Variants in CNTN4 observed in about 807,000 individuals in gnomAD.
CNTN4 encodes contactin 4, also known as contactin-4.
Under a neutral mutation model 122.5 loss-of-function variants are expected in CNTN4, and 77 were observed. The observed-to-expected ratio is 0.63, with a 90% CI of 0.52 to 0.76. The LOEUF (loss-of-function observed/expected upper bound fraction) is 0.76. Ranked by LOEUF, CNTN4 falls within the 30% of genes least tolerant of loss-of-function variation. The probability of loss-of-function intolerance (pLI) is 0.00; values close to 1 mark genes in which losing one functional copy is unlikely to be tolerated. For missense variants in CNTN4, 1,256 were observed against 1,259.1 expected (o/e 1.00, Z 0.04); for synonymous variants, 512 against 447.0 (o/e 1.15, Z -1.83).
Position 2,416,876 on chromosome 3 carries a change from G to A in CNTN4, c.-89+77643G>A, listed in dbSNP as rs889692622. On this transcript the variant is annotated intron_variant, in intron 3 of 24. Transcript: ENST00000418658. ...TCACCATGTTAGCCAGGATGGCCTC[G>A]AGCTCCTGACCTTGTGATCCACCTG... Among the ~76,000 whole-genome samples, 10 of 151,906 alleles carry A rather than the reference G, an allele frequency of 6.6e-5. No individual in the cohort carries two copies. The East Asian group carries it at 1.8e-3, about 27-fold the overall frequency.
At chr3:2,570,566 G>A (rs529167509) in intron 3 of CNTN4, among the ~76,000 whole-genome samples, 4 of 152,212 alleles carry the variant, frequency 2.6e-5, no homozygotes, top group African/African-American at 9.6e-5. Flanking sequence ...TTGAAAAGTC[G>A]TAGATGCCCC....
intron 4 of CNTN4, among the ~76,000 whole-genome samples, chr3:2,574,612 T>G (rs1052228976): frequency 2.6e-5 from 4 of 152,148 alleles, no homozygotes; most frequent in African/African-American, 4.8e-5. Flanking sequence ...TCAGCCACAA[T>G]GAAAATTGGC....
intron 6 of CNTN4, among the ~76,000 whole-genome samples, chr3:2,790,344 T>A (rs7615839): frequency 0.36 from 54,238 of 152,082 alleles, 10,156 homozygotes; most frequent in African/African-American, 0.47. Flanking sequence ...CAAGAGATCC[T>A]CTGGGCCAGC....
intron 4 of CNTN4, among the ~76,000 whole-genome samples, chr3:2,599,146 A>T (rs1016454368): frequency 6.6e-6 from 1 of 152,168 alleles, no homozygotes; most frequent in Non-Finnish European, 1.5e-5. Flanking sequence ...ATTAGCGTGT[A>T]TCCACATGTA....
At chr3:3,039,818 G>C in intron 19 of CNTN4, 1 of 548,554 alleles carries the variant, frequency 1.8e-6, no homozygotes, top group Non-Finnish European at 3.3e-6. Flanking sequence ...GCAAGCTCTG[G>C]ACTGCAGATC....
At position 2,393,122 on chromosome 3, in the gene CNTN4, C is replaced by T. The variant is rs142485967; in HGVS notation, c.-89+53889C>T. Among the ~76,000 whole-genome samples, 118 of 152,216 alleles carry T rather than the reference C, an allele frequency of 7.8e-4. 2 individuals are homozygous for T. The highest frequency in any genetic ancestry group is 2.5e-3 in the African/African-American group (105 of 41,550). Reference sequence around the variant, plus strand: ...CTTCTACCTTCTTGTGGTTTGCCTGCGATCTTTGGAATTTCCTTGGGTTAC... The same window carrying T: ...CTTCTACCTTCTTGTGGTTTGCCTGTGATCTTTGGAATTTCCTTGGGTTAC... On this transcript the variant is annotated intron_variant, in intron 3 of 24. Coordinates refer to ENST00000418658, the MANE Select transcript of CNTN4 (RefSeq NM_175607.3).
chr3:3,030,041 G>A (rs1020911577), intron 15 of CNTN4, among the ~76,000 whole-genome samples: 1 of 152,044 alleles, frequency 6.6e-6, no homozygotes, highest in African/African-American at 2.4e-5. Flanking sequence ...TTCAAATCTG[G>A]CCTCTAGGGT....
chr3:2,290,480 C>T (rs977399050), intron 2 of CNTN4, among the ~76,000 whole-genome samples: 1 of 152,090 alleles, frequency 6.6e-6, no homozygotes, highest in African/African-American at 2.4e-5. Flanking sequence ...AGGGGAAAAT[C>T]ATTAACGATG....
At chr3:2,915,970 A>C (rs1467206630) in intron 12 of CNTN4, among the ~76,000 whole-genome samples, 1 of 152,236 alleles carries the variant, frequency 6.6e-6, no homozygotes, top group African/African-American at 2.4e-5. Flanking sequence ...GAGATGTCTA[A>C]CATAGTCAAA....
chr3:2,480,102 T>C (rs373950918), intron 3 of CNTN4, among the ~76,000 whole-genome samples: 12 of 151,812 alleles, frequency 7.9e-5, no homozygotes, highest in East Asian at 3.9e-4. Context: ...AAACTAAGAA[T>C]AGAGAAGCGC....
intron 13 of CNTN4, among the ~76,000 whole-genome samples, chr3:2,943,462 G>A (rs1035919297): frequency 1.3e-5 from 2 of 151,920 alleles, no homozygotes; most frequent in African/African-American, 2.4e-5. Context: ...ACACTCGGCA[G>A]GTTCTTAGCA....
chr3:2,535,351 T>A (rs1241112546), intron 3 of CNTN4, among the ~76,000 whole-genome samples: 3 of 152,190 alleles, frequency 2.0e-5, no homozygotes, highest in African/African-American at 7.2e-5. Flanking sequence ...TATCTCTTAC[T>A]GATATCTGTC....
chr3:2,117,611 G>C (rs2033451261), intron 2 of CNTN4, among the ~76,000 whole-genome samples: 1 of 152,150 alleles, frequency 6.6e-6, no homozygotes, highest in Non-Finnish European at 1.5e-5. Context: ...AAGCTACCCA[G>C]TAGCTGCCAG....
intron 3 of CNTN4, among the ~76,000 whole-genome samples, chr3:2,341,015 C>T (rs907471329): frequency 1.1e-4 from 16 of 152,036 alleles, no homozygotes; most frequent in African/African-American, 3.9e-4. Context: ...TCTCCTCCAG[C>T]AGGAACCATC....
chr3:2,400,404 A>AAT (rs36082705), intron 3 of CNTN4, among the ~76,000 whole-genome samples: 1,906 of 91,062 alleles, frequency 0.021, 79 homozygotes, highest in Middle Eastern at 0.097. Context: ...TATGTGTGTG[A>AAT]ATATATATAT....
rs147702514 is a variant in CNTN4, at chr3:2,349,410, G to C, written c.-89+10177G>C. ...TTAGTACACAATAACCCTTCTAATT[G>C]CACGTGAAATGAAGGACTGTAAACT... On this transcript the variant is annotated intron_variant, in intron 3 of 24. Transcript: ENST00000418658. 4.2e-3 allele frequency among the ~76,000 whole-genome samples: 640 copies of C among 152,096 alleles called. 4 individuals carry two copies. The highest frequency in any genetic ancestry group is 6.8e-3 in the Middle Eastern group (2 of 294).
chr3:2,674,178 A>G (rs1330883686), intron 4 of CNTN4, among the ~76,000 whole-genome samples: 1 of 152,230 alleles, frequency 6.6e-6, no homozygotes, highest in Non-Finnish European at 1.5e-5. Flanking sequence ...CTTACCGCAT[A>G]CAATCCATAT....
At position 2,265,104 on chromosome 3, in the gene CNTN4, A is replaced by G. The variant is rs146114037; in HGVS notation, c.-144-74074A>G. Among the ~76,000 whole-genome samples the G allele has an allele frequency of 5.8e-3, 878 of 152,254 alleles. 14 individuals are homozygous for G. The highest frequency in any genetic ancestry group is 0.02 in the African/African-American group (840 of 41,572). On this transcript the variant is annotated intron_variant, in intron 2 of 24. Transcript: ENST00000418658. ...TTAGCTCTCACTTATGAGTGAGAAC[A>G]TACCATGTTTGGTTTTCCATTTCTG...
intron 6 of CNTN4, among the ~76,000 whole-genome samples, chr3:2,748,169 A>T (rs994980508): frequency 3.3e-5 from 5 of 152,320 alleles, no homozygotes; most frequent in African/African-American, 1.2e-4. Context: ...AACTTTTTTC[A>T]GTTAATGAAG....
Sources: gnomAD v4.1 joint callset for allele counts (sites outside exome capture counted in the v4.1 genomes callset) on GRCh38, gnomAD v4.1.1 for gene constraint, MANE v1.5 for transcripts, NCBI Gene and HGNC (gene_info 2026-07-23, HGNC 2026-07-21) for gene names.